Variants in RNLS observed in about 807,000 individuals in gnomAD.
RNLS encodes renalase.
In RNLS, 39 loss-of-function variants were observed where a neutral mutation model predicts 39.8. The ratio of observed to expected loss-of-function variants is 0.98; its 90% confidence interval spans 0.76 to 1.28. The LOEUF (loss-of-function observed/expected upper bound fraction) is 1.28. Among genes scored for constraint, RNLS ranks in the 50% most tolerant of loss-of-function variants. The pLI, the probability that RNLS is intolerant of heterozygous loss-of-function variation, is 0.00. For synonymous variants in RNLS, 147 were observed against 150.7 expected (o/e 0.98, Z 0.18); for missense variants, 410 against 413.3 (o/e 0.99, Z 0.07).
chr10:88,444,730 G>A (rs1841939275), intron 4 of RNLS, among the ~76,000 whole-genome samples: 1 of 152,186 alleles, frequency 6.6e-6, no homozygotes, highest in Non-Finnish European at 1.5e-5. Flanking sequence ...AGTGATTGAA[G>A]ATCAAATGAA....
At chr10:88,179,394 T>C in the RNLS span, among the ~76,000 whole-genome samples, 2 of 152,198 alleles carry the variant, frequency 1.3e-5, no homozygotes, top group Non-Finnish European at 2.9e-5. Context: ...TCTTGCACTC[T>C]TGGTAAATGG....
the RNLS span, among the ~76,000 whole-genome samples, chr10:88,194,072 T>C: frequency 6.6e-6 from 1 of 152,222 alleles, no homozygotes; most frequent in Non-Finnish European, 1.5e-5. Flanking sequence ...ACTCTCACCA[T>C]CTGGGCTCAA....
chr10:88,248,243 C>G, the RNLS span, among the ~76,000 whole-genome samples: 1 of 152,178 alleles, frequency 6.6e-6, no homozygotes, highest in African/African-American at 2.4e-5. Flanking sequence ...CGTCTGGATT[C>G]ATTTTCACTT....
chr10:88,536,393 C>T (rs1847758753), intron 4 of RNLS, among the ~76,000 whole-genome samples: 1 of 152,218 alleles, frequency 6.6e-6, no homozygotes, highest in African/African-American at 2.4e-5. Context: ...TCTTCCTGCA[C>T]TTTCCAGTCT....
At chr10:88,180,602 A>G in the RNLS span, among the ~76,000 whole-genome samples, 2 of 152,242 alleles carry the variant, frequency 1.3e-5, no homozygotes, top group Admixed American at 6.5e-5. Context: ...GTTGTAGATA[A>G]TATACTTATT....
At chr10:88,509,078 A>G (rs1418270033) in intron 4 of RNLS, among the ~76,000 whole-genome samples, 1 of 152,070 alleles carries the variant, frequency 6.6e-6, no homozygotes, top group Non-Finnish European at 1.5e-5. Flanking sequence ...TCATTCCTGA[A>G]TGGAATTCCT....
chr10:88,228,641 T>C, the RNLS span, among the ~76,000 whole-genome samples: 1 of 152,218 alleles, frequency 6.6e-6, no homozygotes, highest in Non-Finnish European at 1.5e-5. Context: ...TTCTCAAATC[T>C]GGTTTTTGCC....
intron 4 of RNLS, among the ~76,000 whole-genome samples, chr10:88,493,118 A>T (rs1188367181): frequency 6.6e-6 from 1 of 152,148 alleles, no homozygotes; most frequent in Non-Finnish European, 1.5e-5. Context: ...TCCTACCAGT[A>T]CATGTTATTT....
chr10:88,398,241 G>T (rs1185245027), intron 4 of RNLS, among the ~76,000 whole-genome samples: 1 of 152,084 alleles, frequency 6.6e-6, no homozygotes, highest in East Asian at 1.9e-4. Context: ...GTGAACAAGA[G>T]CCTTAACTGT....
chr10:88,493,801 G>A (rs1192097667), intron 4 of RNLS, among the ~76,000 whole-genome samples: 1 of 152,012 alleles, frequency 6.6e-6, no homozygotes, highest in African/African-American at 2.4e-5. Flanking sequence ...TTATATGATG[G>A]GGGATGTAAA....
At chr10:88,417,733 G>A (rs968438577) in intron 4 of RNLS, among the ~76,000 whole-genome samples, 2 of 152,160 alleles carry the variant, frequency 1.3e-5, no homozygotes, top group Admixed American at 6.5e-5. Flanking sequence ...TAGAGGATGG[G>A]AACAAAGAAA....
At chr10:88,394,218 C>T (rs934061440) in intron 4 of RNLS, among the ~76,000 whole-genome samples, 1 of 152,148 alleles carries the variant, frequency 6.6e-6, no homozygotes, top group Non-Finnish European at 1.5e-5. Context: ...TAAAGAACTT[C>T]TGCACAACAA....
chr10:88,222,266 G>A, the RNLS span, among the ~76,000 whole-genome samples: 3 of 152,126 alleles, frequency 2.0e-5, no homozygotes, highest in African/African-American at 7.2e-5. Flanking sequence ...GAAACAGGCA[G>A]AAATAATCCA....
intron 6 of RNLS, among the ~76,000 whole-genome samples, chr10:88,304,453 G>A (rs538232992): frequency 6.6e-6 from 1 of 152,240 alleles, no homozygotes; most frequent in African/African-American, 2.4e-5. Context: ...GATAAAACAA[G>A]GCAAGAGCTG....
At chr10:88,420,928 C>T (rs1423259750) in intron 4 of RNLS, among the ~76,000 whole-genome samples, 1 of 152,226 alleles carries the variant, frequency 6.6e-6, no homozygotes, top group Admixed American at 6.5e-5. Flanking sequence ...TACCTATAAC[C>T]CTAAAATAGA....
rs1376395535 is a variant in RNLS at position 88,581,294 on chromosome 10, G to GTGTATATA, written c.367+272_367+273insTATATACA. ...AATATATATGTATGTGTGTGTGTGT[G>GTGTATATA]TATATATATATATATATATATACAT... On this transcript the variant is annotated intron_variant, in intron 3 of 6. Transcript: ENST00000331772. Among the ~76,000 whole-genome samples, 32 of 129,860 alleles carry GTGTATATA rather than the reference G, an allele frequency of 2.5e-4. No individual in the cohort carries two copies. The East Asian group carries it at 3.2e-3, about 13-fold the overall frequency. The allele number at this position is 129,860 out of a possible 152,430, so 85.2% of individuals were successfully genotyped here. A position where few individuals can be genotyped will look rare whatever the true frequency, so the allele number is the denominator to read the frequency against.
At chr10:88,426,465 G>C (rs947031835) in intron 4 of RNLS, among the ~76,000 whole-genome samples, 1 of 151,748 alleles carries the variant, frequency 6.6e-6, no homozygotes, top group African/African-American at 2.4e-5. Flanking sequence ...TTGGGAAAAA[G>C]AAAAGGAGGA....
At chr10:88,473,267 C>T (rs1341990472) in intron 4 of RNLS, among the ~76,000 whole-genome samples, 1 of 152,140 alleles carries the variant, frequency 6.6e-6, no homozygotes, top group African/African-American at 2.4e-5. Flanking sequence ...GACTGTATAT[C>T]TCAAACGGTG....
chr10:88,343,424 T>C (rs1014673166), intron 5 of RNLS: 2 of 599,402 alleles, frequency 3.3e-6, no homozygotes, highest in African/African-American at 2.0e-5. Context: ...TTTTCAAAAA[T>C]GGGAAAGATG....
Sources: gnomAD v4.1 joint callset for allele counts (sites outside exome capture counted in the v4.1 genomes callset) on GRCh38, gnomAD v4.1.1 for gene constraint, MANE v1.5 for transcripts, NCBI Gene and HGNC (gene_info 2026-07-23, HGNC 2026-07-21) for gene names.